The following GNA12 variants were observed in gnomAD, a reference collection of about 807,000 sequenced individuals.
The protein encoded by GNA12 is G protein subunit alpha 12.
Under a neutral mutation model 26.0 loss-of-function variants are expected in GNA12, and 9 were observed. The observed-to-expected ratio is 0.35, with a 90% CI of 0.21 to 0.60. The LOEUF (loss-of-function observed/expected upper bound fraction) is 0.60, where lower values mean the gene tolerates loss of function less well. GNA12 is among the 20% of genes least tolerant of loss of function. The pLI is 0.78. For missense variants in GNA12, 405 were observed against 525.8 expected (o/e 0.77, Z 2.25); for synonymous variants, 264 against 219.6 (o/e 1.20, Z -1.79).
At chr7:2,753,076 T>C (rs916876044) in intron 2 of GNA12, among the ~76,000 whole-genome samples, 2 of 152,160 alleles carry the variant, frequency 1.3e-5, no homozygotes, top group African/African-American at 2.4e-5. Flanking sequence ...CTAGAATGTA[T>C]AGTCACTGAT....
At chr7:2,743,623 G>A (rs1055565262) in intron 2 of GNA12, among the ~76,000 whole-genome samples, 9 of 152,142 alleles carry the variant, frequency 5.9e-5, no homozygotes, top group East Asian at 1.9e-4. Flanking sequence ...TGCAGAAGAC[G>A]GGTGATTTCT....
intron 1 of GNA12, among the ~76,000 whole-genome samples, chr7:2,805,191 A>G (rs1211168407): frequency 1.3e-5 from 2 of 152,242 alleles, no homozygotes; most frequent in Non-Finnish European, 2.9e-5. Context: ...ATCAACCAAA[A>G]GGCTGCTTCA....
rs147511646 is a variant in GNA12 at position 2,734,027 on chromosome 7, G to C, written c.526-526C>G. Among the ~76,000 whole-genome samples, 64 of 152,310 alleles carry C rather than the reference G, an allele frequency of 4.2e-4. No individual in the cohort carries two copies. The East Asian group carries it at 0.011, about 26-fold the overall frequency. Reference sequence around the variant, plus strand: ...CCATTATTCCTTCCCACATTTTTATGACCTGATTTATAGTAGCAAACACAG... The same window carrying C: ...CCATTATTCCTTCCCACATTTTTATCACCTGATTTATAGTAGCAAACACAG... On this transcript the variant is annotated intron_variant, in intron 2 of 3. Transcript: ENST00000275364.
chr7:2,749,829 A>C (rs1447641221), intron 2 of GNA12, among the ~76,000 whole-genome samples: 1 of 152,134 alleles, frequency 6.6e-6, no homozygotes, highest in African/African-American at 2.4e-5. Flanking sequence ...TGACCACTGA[A>C]ATTAGATTAA....
intron 2 of GNA12, among the ~76,000 whole-genome samples, chr7:2,779,579 T>C (rs1311213220): frequency 6.6e-6 from 1 of 152,164 alleles, no homozygotes; most frequent in Admixed American, 6.5e-5. Flanking sequence ...TTTCTGATTA[T>C]AAAAACACTT....
chr7:2,842,104 A>AAGGAAGGGAAGGG (rs1779009744), intron 1 of GNA12, among the ~76,000 whole-genome samples: 2 of 135,708 alleles, frequency 1.5e-5, no homozygotes, highest in African/African-American at 5.5e-5. Flanking sequence ...GAAGGAAAGG[A>AAGGAAGGGAAGGG]AGGAAGGGAA....
In GNA12 at chr7:2,729,867, T is replaced by G. The variant is rs1308895194; in HGVS notation, c.*1314A>C. 1.3e-5 allele frequency: 2 copies of G among 152,442 alleles called. No individual in the cohort carries two copies. Among genetic ancestry groups the G allele is most frequent in the Non-Finnish European group, 2.9e-5 (2 of 68,070 alleles). The allele number at this position is 152,442 out of a possible 1,614,324, so 9.4% of individuals were successfully genotyped here. On this transcript the variant is annotated 3_prime_UTR_variant, in exon 4 of 4. Transcript: ENST00000275364. ...TATTTTAAACACAGTGAAAGCCACCTGGCAGGTAGCTGGACAAGTGAGCTG... is the reference window on the plus strand; with the variant it reads ...TATTTTAAACACAGTGAAAGCCACCGGGCAGGTAGCTGGACAAGTGAGCTG...
intron 2 of GNA12, among the ~76,000 whole-genome samples, chr7:2,738,838 TG>T (rs1265200890): frequency 2.0e-5 from 3 of 152,204 alleles, no homozygotes; most frequent in African/African-American, 7.2e-5. Flanking sequence ...TTATTTTGTT[TG>T]TTTTTTTGTT....
At position 2,795,074 on chromosome 7, in the gene GNA12, G is replaced by T. The variant is rs751704187; in HGVS notation, c.379C>A (p.His127Asn). ...TCGAAGGCCATCAGGAACATCCCAT[G>T]CTTCTCATTTTCAGAATACTGCCAA... ...IPWQYSENEK[H>N]GMFLMAFENK... Residue 127 changes from histidine to asparagine, a missense_variant, in exon 2 of 4, where the codon CAT becomes AAT. Physicochemically the swap from His to Asn is moderately conservative, Grantham distance 68. Transcript: ENST00000275364. The T allele has an allele frequency of 1.9e-6, 3 of 1,613,816 alleles. No individual in the cohort carries two copies. The highest frequency in any genetic ancestry group is 2.5e-6 in the Non-Finnish European group (3 of 1,179,730).
intron 1 of GNA12, among the ~76,000 whole-genome samples, chr7:2,829,183 T>C (rs1479221247): frequency 2.6e-5 from 4 of 152,186 alleles, no homozygotes; most frequent in Non-Finnish European, 5.9e-5. Context: ...AAAGGCCCTT[T>C]GCTGCTCTTG....
rs1791981929 is a variant in GNA12, at chr7:2,772,788, T to C, written c.525+22140A>G. 2.6e-5 allele frequency among the ~76,000 whole-genome samples: 4 copies of C among 152,118 alleles called. No homozygotes were observed. The South Asian group carries it at 8.3e-4, about 32-fold the overall frequency. On this transcript the variant is annotated intron_variant, in intron 2 of 3. Coordinates refer to ENST00000275364, the MANE Select transcript of GNA12 (RefSeq NM_007353.3). ...CAAACCCAGCAATCCCACTCCTAGG[T>C]ATATTTCCAAGAGAAATCAGTGCAT...
intron 2 of GNA12, among the ~76,000 whole-genome samples, chr7:2,745,009 T>C (rs1004801022): frequency 6.6e-6 from 1 of 152,052 alleles, no homozygotes; most frequent in African/African-American, 2.4e-5. Context: ...CCAAGAAATA[T>C]GGGACTATGT....
intron 1 of GNA12, among the ~76,000 whole-genome samples, chr7:2,805,503 A>T (rs1792924013): frequency 6.6e-6 from 1 of 152,060 alleles, no homozygotes; most frequent in Non-Finnish European, 1.5e-5. Flanking sequence ...GCGCGGGCTC[A>T]AGCTAGAGAT....
In GNA12 at chr7:2,825,782, C is replaced by T. The variant is rs144560378; in HGVS notation, c.309+18071G>A. On this transcript the variant is annotated intron_variant, in intron 1 of 3. Transcript: ENST00000275364. ...GCCAGGGAAACGGCTGTGGTGGGGCCGCAGACACAAAGCAGCTGCGGCAGC... is the reference window on the plus strand; with the variant it reads ...GCCAGGGAAACGGCTGTGGTGGGGCTGCAGACACAAAGCAGCTGCGGCAGC... Among the ~76,000 whole-genome samples, 950 of 152,220 alleles carry T rather than the reference C, an allele frequency of 6.2e-3. 7 individuals are homozygous for T. The highest frequency in any genetic ancestry group is 9.2e-3 in the Non-Finnish European group (624 of 68,010).
chr7:2,743,014 C>A (rs1041680923), intron 2 of GNA12, among the ~76,000 whole-genome samples: 3 of 152,198 alleles, frequency 2.0e-5, no homozygotes, highest in Non-Finnish European at 4.4e-5. Flanking sequence ...AACATTCAGA[C>A]AGAAAGCCTA....
chr7:2,844,199 G>C lies in GNA12; in HGVS notation c.-38C>G. 1 of 962,194 alleles carries C rather than the reference G, an allele frequency of 1.0e-6. No homozygotes were observed. The highest frequency in any genetic ancestry group is 4.6e-5 in the South Asian group (1 of 21,750). The allele number at this position is 962,194 out of a possible 1,614,324, so 59.6% of individuals were successfully genotyped here. The stretch of plus-strand genomic sequence containing the variant: ...CGCGGCCGCGCCCCGCCGGCGCCCG[G>C]GGGCCATGGACGCTCCCGCCGGCGA... On this transcript the variant is annotated 5_prime_UTR_variant, in exon 1 of 4. Coordinates refer to ENST00000275364, the MANE Select transcript of GNA12 (RefSeq NM_007353.3).
At chr7:2,756,366 T>C (rs777991084) in intron 2 of GNA12, among the ~76,000 whole-genome samples, 3 of 152,122 alleles carry the variant, frequency 2.0e-5, no homozygotes, top group Non-Finnish European at 4.4e-5. Flanking sequence ...GAAAAAAACA[T>C]AGGATGTCAG....
At chr7:2,818,085 G>C (rs1039282656) in intron 1 of GNA12, among the ~76,000 whole-genome samples, 4 of 152,146 alleles carry the variant, frequency 2.6e-5, no homozygotes. Flanking sequence ...CAATGAACAC[G>C]GAATGACTCC....
At chr7:2,770,289 A>C (rs1173658695) in intron 2 of GNA12, among the ~76,000 whole-genome samples, 1 of 152,224 alleles carries the variant, frequency 6.6e-6, no homozygotes, top group Non-Finnish European at 1.5e-5. Context: ...TGTTTTATTT[A>C]TAAACATGTC....
Sources: allele counts gnomAD v4.1 joint callset (sites outside exome capture counted in the v4.1 genomes callset), GRCh38; gene constraint gnomAD v4.1.1; transcripts MANE v1.5; gene names NCBI Gene and HGNC (gene_info 2026-07-23, HGNC 2026-07-21).